PTPRD: variants seen among roughly 807,000 people sequenced by gnomAD.
PTPRD encodes the protein receptor-type tyrosine-protein phosphatase delta.
PTPRD carries 34 observed loss-of-function variants against 214.5 expected under a neutral mutation model. The ratio of observed to expected loss-of-function variants is 0.16; its 90% CI spans 0.12 to 0.21. The LOEUF (loss-of-function observed/expected upper bound fraction) is 0.21, where lower values mean the gene tolerates loss of function less well. Ranked by LOEUF, PTPRD falls within the 10% of genes least tolerant of loss-of-function variation. The pLI is 1.00. For synonymous variants in PTPRD, 1,128 were observed against 845.7 expected (o/e 1.33, Z -5.79); for missense variants, 2,545 against 2,398.7 (o/e 1.06, Z -1.27).
chr9:9,889,342 A>G (rs1308056571), intron 5 of PTPRD, among the ~76,000 whole-genome samples: 4 of 152,300 alleles, frequency 2.6e-5, no homozygotes, highest in South Asian at 2.1e-4. Context: ...TCCACAATGT[A>G]TATATGCTTC....
chr9:10,258,476 A>C (rs1395962399), intron 3 of PTPRD, among the ~76,000 whole-genome samples: 1 of 152,212 alleles, frequency 6.6e-6, no homozygotes, highest in Non-Finnish European at 1.5e-5. Context: ...ATGTGTTTAG[A>C]TCATAATGAA....
chr9:10,371,815 G>A (rs75424506), intron 2 of PTPRD, among the ~76,000 whole-genome samples: 2,321 of 152,226 alleles, frequency 0.015, 59 homozygotes, highest in African/African-American at 0.053. Context: ...TATTTTGGGA[G>A]CATATGGTGT....
At chr9:9,731,020 G>C (rs949339269) in intron 7 of PTPRD, among the ~76,000 whole-genome samples, 2 of 152,072 alleles carry the variant, frequency 1.3e-5, no homozygotes, top group African/African-American at 4.8e-5. Flanking sequence ...TACACACACA[G>C]ATACAAAATT....
chr9:8,734,529 A>G (rs140578715), intron 11 of PTPRD, among the ~76,000 whole-genome samples: 3 of 152,362 alleles, frequency 2.0e-5, no homozygotes, highest in East Asian at 1.9e-4. Flanking sequence ...TTTGGCATCA[A>G]TAAGTCAAAA....
intron 3 of PTPRD, among the ~76,000 whole-genome samples, chr9:10,095,204 T>G (rs910303428): frequency 6.6e-6 from 1 of 151,462 alleles, no homozygotes; most frequent in Non-Finnish European, 1.5e-5. Flanking sequence ...TTAATGGATT[T>G]AACTTTATAT....
chr9:10,358,052 C>G (rs2097310251), intron 2 of PTPRD, among the ~76,000 whole-genome samples: 1 of 152,048 alleles, frequency 6.6e-6, no homozygotes, highest in African/African-American at 2.4e-5. Flanking sequence ...ACAACCTCAT[C>G]AGAAGACTAA....
At chr9:10,463,579 A>C (rs1396218410) in intron 2 of PTPRD, among the ~76,000 whole-genome samples, 2 of 152,194 alleles carry the variant, frequency 1.3e-5, no homozygotes, top group Non-Finnish European at 2.9e-5. Flanking sequence ...ACCTCAGTAC[A>C]ATTGTTAAGG....
intron 12 of PTPRD, among the ~76,000 whole-genome samples, chr9:8,662,538 C>T (rs1442412926): frequency 6.6e-6 from 1 of 152,140 alleles, no homozygotes; most frequent in Non-Finnish European, 1.5e-5. Flanking sequence ...GGCTCTGATA[C>T]AGCCTAGGAA....
chr9:10,133,710 A>C (rs1224211159), intron 3 of PTPRD, among the ~76,000 whole-genome samples: 3 of 152,194 alleles, frequency 2.0e-5, no homozygotes, highest in Non-Finnish European at 4.4e-5. Context: ...AACAAAGTTA[A>C]TTAGTATGTG....
chr9:8,895,783 G>C (rs1322150850), intron 11 of PTPRD, among the ~76,000 whole-genome samples: 1 of 152,176 alleles, frequency 6.6e-6, no homozygotes, highest in Non-Finnish European at 1.5e-5. Flanking sequence ...AGACAGGTAG[G>C]AAGAGCCTTC....
At chr9:9,349,018 T>C (rs1179517012) in intron 9 of PTPRD, among the ~76,000 whole-genome samples, 2 of 152,134 alleles carry the variant, frequency 1.3e-5, no homozygotes, top group Admixed American at 6.6e-5. Context: ...AGATTTATTT[T>C]CTGTATTTTG....
chr9:9,312,452 A>AC (rs1959354527), intron 9 of PTPRD, among the ~76,000 whole-genome samples: 1 of 152,192 alleles, frequency 6.6e-6, no homozygotes, highest in East Asian at 1.9e-4. Flanking sequence ...AATGTAGAAG[A>AC]GAAAAAAATG....
intron 14 of PTPRD, among the ~76,000 whole-genome samples, chr9:8,552,171 A>G (rs1463056243): frequency 2.0e-5 from 3 of 152,140 alleles, no homozygotes; most frequent in Non-Finnish European, 4.4e-5. Context: ...CTGACCTATT[A>G]CCAATAACCA....
Position 8,485,781 on chromosome 9 carries a change from C to T in PTPRD, c.3036G>A (p.Arg1012=), listed in dbSNP as rs1482642708. 2.5e-6 allele frequency: 4 copies of T among 1,613,104 alleles called. No individual in the cohort carries two copies. The Admixed American group carries it at 5.0e-5, about 20-fold the overall frequency. ...PGPYSPSVQF[R]TLPVDQVFAK... is the part of the protein sequence containing the mutation. ...TCCTACCTTGATCCACAGGCAGTGT[C>T]CTGAACTGGACACTGGGACTATATG... Residue 1012 remains arginine, a synonymous_variant, in exon 28 of 46, where the codon AGG becomes AGA. Coordinates refer to ENST00000381196, the MANE Select transcript of PTPRD (RefSeq NM_002839.4).
intron 11 of PTPRD, chr9:8,962,921 T>C (rs1197360998): frequency 6.6e-6 from 1 of 152,104 alleles, no homozygotes; most frequent in African/African-American, 2.4e-5. Flanking sequence ...ATGTGGCTCT[T>C]AGGAACTGAT....
At chr9:9,876,486 A>G (rs893590647) in intron 5 of PTPRD, among the ~76,000 whole-genome samples, 5 of 151,024 alleles carry the variant, frequency 3.3e-5, no homozygotes, top group Non-Finnish European at 7.4e-5. Flanking sequence ...TATCACCTCG[A>G]AAAAAAAACT....
intron 7 of PTPRD, among the ~76,000 whole-genome samples, chr9:9,695,112 G>A (rs1490736534): frequency 2.0e-5 from 3 of 152,128 alleles, no homozygotes; most frequent in African/African-American, 7.2e-5. Flanking sequence ...AAAGCCCATG[G>A]CATACTCTCT....
chr9:10,235,020 A>T (rs77895426), intron 3 of PTPRD, among the ~76,000 whole-genome samples: 20,299 of 151,792 alleles, frequency 0.13, 1,449 homozygotes, highest in African/African-American at 0.17. Flanking sequence ...ATATATAAAC[A>T]CTTAGCCTTA....
intron 8 of PTPRD, among the ~76,000 whole-genome samples, chr9:9,446,324 C>T (rs1242090437): frequency 3.3e-5 from 5 of 152,102 alleles, no homozygotes; most frequent in Admixed American, 3.3e-4. Context: ...GGTCTCTTCA[C>T]AGATAAAACA....
Sources: allele counts gnomAD v4.1 joint callset (sites outside exome capture counted in the v4.1 genomes callset), GRCh38; gene constraint gnomAD v4.1.1; transcripts MANE v1.5; gene names NCBI Gene and HGNC (gene_info 2026-07-23, HGNC 2026-07-21).